The following CHST13 variants were observed in gnomAD, a reference collection of about 807,000 sequenced individuals.
CHST13 encodes the protein carbohydrate sulfotransferase 13.
CHST13 carries 1 observed loss-of-function variant against 7.0 expected under a neutral mutation model. The ratio of observed to expected loss-of-function variants is 0.14; its 90% CI spans 0.05 to 0.68. The LOEUF (loss-of-function observed/expected upper bound fraction) is 0.68, where lower values mean the gene tolerates loss of function less well. CHST13 is among the 30% of genes least tolerant of loss of function. CHST13 has a pLI of 0.82. For synonymous variants in CHST13, 257 were observed against 240.9 expected, an observed-to-expected ratio of 1.07 and a Z score of -0.62; for missense variants, 572 against 507.9, an observed-to-expected ratio of 1.13 and a Z score of -1.21.
chr3:126,541,692 G>A (rs1936959044), intron 2 of CHST13, 41 bp from the exon 3 acceptor site: 2 of 1,404,956 alleles, frequency 1.4e-6, no homozygotes, highest in South Asian at 3.1e-5. Context: ...AGCCCGCGCT[G>A]CCCTGACGCG....
intron 1 of CHST13, among the ~76,000 whole-genome samples, chr3:126,534,630 C>G (rs941866576): frequency 6.6e-6 from 1 of 151,286 alleles, no homozygotes. Flanking sequence ...CAGACAGCAT[C>G]CCTGTCCTCA....
rs1249888412 is a variant in CHST13, at chr3:126,542,799, C to T, written c.*221C>T. On this transcript the variant is annotated 3_prime_UTR_variant, in exon 3 of 3. Coordinates refer to ENST00000319340, the MANE Select transcript of CHST13 (RefSeq NM_152889.3). The stretch of plus-strand genomic sequence containing the variant: ...GCCTGCCTCGGCCTGTCGCCTGAGG[C>T]CTGCTTCCTCCACTTGCTCCAGCTG... 171 of 507,900 alleles carry T rather than the reference C, an allele frequency of 3.4e-4. 1 individual carries two copies. Among genetic ancestry groups the T allele is most frequent in the Non-Finnish European group, 4.1e-5 (13 of 318,568 alleles). The allele number at this position is 507,900 out of a possible 1,614,324, so 31.5% of individuals were successfully genotyped here.
At chr3:126,535,455 GAGAC>G (rs1304068503) in intron 1 of CHST13, among the ~76,000 whole-genome samples, 6 of 151,304 alleles carry the variant, frequency 4.0e-5, no homozygotes, top group Middle Eastern at 3.3e-3. Flanking sequence ...CCTCAGCCGG[GAGAC>G]AGACAGACAG....
intron 1 of CHST13, among the ~76,000 whole-genome samples, chr3:126,535,480 C>A (rs1196036726): frequency 1.3e-5 from 2 of 150,992 alleles, no homozygotes; most frequent in African/African-American, 4.9e-5. Flanking sequence ...TATCGCTGTC[C>A]TCAGCCGGGA....
At position 126,534,847 on chromosome 3, in the gene CHST13, T is replaced by G. The variant is rs905626329; in HGVS notation, c.98-1424T>G. ...GACAGACATACACAGAGAGCATCCCTGTCCTCAGCTGGGAGACAGACACAC... is the reference window on the plus strand; with the variant it reads ...GACAGACATACACAGAGAGCATCCCGGTCCTCAGCTGGGAGACAGACACAC... On this transcript the variant is annotated intron_variant, in intron 1 of 2. Coordinates refer to ENST00000319340, the MANE Select transcript of CHST13 (RefSeq NM_152889.3). Among the ~76,000 whole-genome samples the G allele has an allele frequency of 5.4e-5, 8 of 147,608 alleles. 1 individual carries two copies. Among genetic ancestry groups the G allele is most frequent in the African/African-American group, 2.0e-4 (8 of 39,308 alleles).
intron 2 of CHST13, among the ~76,000 whole-genome samples, chr3:126,541,136 G>T (rs1936949468): frequency 6.6e-6 from 1 of 152,190 alleles, no homozygotes; most frequent in African/African-American, 2.4e-5. Flanking sequence ...CAGGTGCTAG[G>T]TTAAAGCCAG....
rs1937000094 is a variant in CHST13 at position 126,542,786 on chromosome 3, C to T, written c.*208C>T. 2 of 627,768 alleles carry T rather than the reference C, an allele frequency of 3.2e-6. No homozygotes were observed. The highest frequency in any genetic ancestry group is 8.8e-5 in the South Asian group (2 of 22,640). 38.9% of individuals were successfully genotyped at this position (627,768 alleles called of 1,614,324 possible). On this transcript the variant is annotated 3_prime_UTR_variant, in exon 3 of 3. Coordinates refer to ENST00000319340, the MANE Select transcript of CHST13 (RefSeq NM_152889.3). ...CCTGCACGCGTGTGCCTGCCTCGGC[C>T]TGTCGCCTGAGGCCTGCTTCCTCCA...
chr3:126,524,253 CG>C lies in CHST13; in HGVS notation c.-76del. The C allele has an allele frequency of 9.0e-7, 1 of 1,112,798 alleles. No homozygotes were observed. The highest frequency in any genetic ancestry group is 1.1e-6 in the Non-Finnish European group (1 of 888,650). The allele number at this position is 1,112,798 out of a possible 1,614,324, so 68.9% of individuals were successfully genotyped here. On this transcript the variant is annotated 5_prime_UTR_variant, in exon 1 of 3. Transcript: ENST00000319340. The stretch of plus-strand genomic sequence containing the variant: ...CGCGTCTTGGTAGGCGCTGCGCTGC[CG>C]GGGCCGGGTCCTGGGCCAGTGCAAC...
At position 126,542,221 on chromosome 3, in the gene CHST13, G is replaced by A; in HGVS notation, c.669G>A (p.Val223=). 6.7e-7 allele frequency: 1 copy of A among 1,486,932 alleles called. No homozygotes were observed. Among genetic ancestry groups the A allele is most frequent in the Admixed American group, 2.4e-5 (1 of 42,302 alleles). The allele number at this position is 1,486,932 out of a possible 1,614,324, so 92.1% of individuals were successfully genotyped here. A position where few individuals can be genotyped will look rare whatever the true frequency, so the allele number is the denominator to read the frequency against. Residue 223 remains valine (V), a synonymous_variant, in exon 3 of 3, where the codon GTG becomes GTA. Coordinates refer to ENST00000319340, the MANE Select transcript of CHST13 (RefSeq NM_152889.3). ...LPDARARGHD[V]RFAEFLAYLL... is the part of the protein sequence containing the mutation. The stretch of plus-strand genomic sequence containing the variant: ...ACGCCCGGGCCCGCGGCCACGACGT[G>A]CGCTTCGCGGAGTTCCTGGCCTACC...
chr3:126,541,062 C>G (rs1347898707), intron 2 of CHST13, among the ~76,000 whole-genome samples: 1 of 152,172 alleles, frequency 6.6e-6, no homozygotes, highest in East Asian at 1.9e-4. Context: ...TGGGTCTCTA[C>G]ATGGCTGAGG....
At chr3:126,537,710 G>A (rs1484971837) in intron 2 of CHST13, among the ~76,000 whole-genome samples, 1 of 152,190 alleles carries the variant, frequency 6.6e-6, no homozygotes, top group Non-Finnish European at 1.5e-5. Context: ...TGACCGTTGG[G>A]TGTCAACTCC....
intron 1 of CHST13, chr3:126,529,430 C>A (rs1038328169): frequency 3.4e-5 from 43 of 1,281,232 alleles, no homozygotes; most frequent in Non-Finnish European, 3.9e-5. Flanking sequence ...AGAGGCAGGG[C>A]AGCATGGGTG....
intron 1 of CHST13, among the ~76,000 whole-genome samples, chr3:126,525,443 C>T (rs932014661): frequency 4.6e-5 from 7 of 152,128 alleles, no homozygotes; most frequent in Admixed American, 6.5e-5. Context: ...CTGCCCCTTG[C>T]CCCTTGTGTG....
intron 2 of CHST13, among the ~76,000 whole-genome samples, chr3:126,541,491 C>G (rs1470058683): frequency 6.6e-6 from 1 of 152,206 alleles, no homozygotes; most frequent in African/African-American, 2.4e-5. Flanking sequence ...GGCATACATA[C>G]CCAGCGCGTC....
Position 126,541,765 on chromosome 3 carries a change from G to T in CHST13, c.213G>T (p.Arg71=), listed in dbSNP as rs6766712. The T allele has an allele frequency of 0.25, 378,085 of 1,511,644 alleles. 48,150 individuals carry two copies. The highest frequency in any genetic ancestry group is 0.32 in the Admixed American group (15,213 of 47,888). The allele number at this position is 1,511,644 out of a possible 1,614,324, so 93.6% of individuals were successfully genotyped here. ...DPRSTLAKVH[R]QRRDLLNSAC... Reference sequence around the variant, plus strand: ...GCTCGACCCTGGCGAAGGTGCACCGGCAGCGGCGCGACCTGCTGAACAGCG... The same window carrying T: ...GCTCGACCCTGGCGAAGGTGCACCGTCAGCGGCGCGACCTGCTGAACAGCG... Residue 71 remains arginine, a synonymous_variant, in exon 3 of 3, where the codon CGG becomes CGT. Transcript: ENST00000319340.
chr3:126,542,290 C>T lies in CHST13; in HGVS notation c.738C>T (p.His246=), dbSNP rs570511427. The change falls in exon 3 of 3, where the codon CAC becomes CAT. Residue 246 remains histidine (H), a synonymous_variant. Coordinates refer to ENST00000319340, the MANE Select transcript of CHST13 (RefSeq NM_152889.3). The part of the protein sequence containing the change: ...RTRREEPFNE[H]WERAHALCHP... ...GGCGTGAGGAGCCCTTCAACGAGCA[C>T]TGGGAGCGCGCGCACGCGCTCTGCC... 5.6e-5 allele frequency: 87 copies of T among 1,567,000 alleles called. No individual in the cohort carries two copies. The highest frequency in any genetic ancestry group is 7.3e-5 in the Non-Finnish European group (85 of 1,161,454).
At chr3:126,540,727 A>C (rs1936940241) in intron 2 of CHST13, among the ~76,000 whole-genome samples, 1 of 152,190 alleles carries the variant, frequency 6.6e-6, no homozygotes, top group Non-Finnish European at 1.5e-5. Context: ...TCTCTTGAGA[A>C]TATGCCTAGG....
chr3:126,530,533 C>T (rs1381613816), intron 1 of CHST13, among the ~76,000 whole-genome samples: 1 of 152,216 alleles, frequency 6.6e-6, no homozygotes, highest in African/African-American at 2.4e-5. Context: ...CCACAGTTCC[C>T]AGGAAAGGGA....
chr3:126,533,294 C>T (rs1189301988), intron 1 of CHST13, among the ~76,000 whole-genome samples: 1 of 152,206 alleles, frequency 6.6e-6, no homozygotes, highest in Non-Finnish European at 1.5e-5. Flanking sequence ...AGCAGGCACT[C>T]TTGCCTTGCT....
Sources: gnomAD v4.1 joint callset for allele counts (sites outside exome capture counted in the v4.1 genomes callset) on GRCh38, gnomAD v4.1.1 for gene constraint, MANE v1.5 for transcripts, NCBI Gene and HGNC (gene_info 2026-07-23, HGNC 2026-07-21) for gene names.